PRTG: variants seen among roughly 807,000 people sequenced by gnomAD.
PRTG encodes immunoglobulin superfamily, DCC subclass, member 5.
PRTG carries 67 observed loss-of-function variants against 122.5 expected under a neutral mutation model. The ratio of observed to expected loss-of-function variants is 0.55; its 90% CI spans 0.45 to 0.67. The LOEUF is 0.67. PRTG is among the 30% of genes least tolerant of loss of function. The pLI, the probability that PRTG is intolerant of heterozygous loss-of-function variation, is 0.00. For missense variants in PRTG, 1,435 were observed against 1,415.4 expected (o/e 1.01, Z -0.22); for synonymous variants, 554 against 501.1 (o/e 1.11, Z -1.41).
In PRTG at chr15:55,738,021, T is replaced by TACAC. The variant is rs1465755534; in HGVS notation, c.397+2360_397+2361insGTGT. ...CTCTCTCTATATATATATATATATA[T>TACAC]ATATACACACACACACACACACACA... On this transcript the variant is annotated intron_variant, in intron 2 of 19. Transcript: ENST00000389286. Among the ~76,000 whole-genome samples the TACAC allele has an allele frequency of 2.0e-3, 209 of 102,894 alleles. 2 individuals carry two copies. The highest frequency in any genetic ancestry group is 6.8e-3 in the African/African-American group (189 of 27,774). The allele number at this position is 102,894 out of a possible 152,430, so 67.5% of individuals were successfully genotyped here.
chr15:55,741,756 A>C (rs2031616173), intron 1 of PRTG, among the ~76,000 whole-genome samples: 1 of 152,170 alleles, frequency 6.6e-6, no homozygotes, highest in Non-Finnish European at 1.5e-5. Flanking sequence ...TCACTCTTCA[A>C]GGCTCCCTGC....
intron 2 of PRTG, chr15:55,702,803 AACACACAC>A: frequency 2.2e-6 from 1 of 447,910 alleles, no homozygotes; most frequent in Non-Finnish European, 2.9e-6. Flanking sequence ...CACATGTGCA[AACACACAC>A]ACACACACAA....
chr15:55,724,662 G>T (rs2030958934), intron 2 of PRTG, among the ~76,000 whole-genome samples: 1 of 152,076 alleles, frequency 6.6e-6, no homozygotes, highest in African/African-American at 2.4e-5. Flanking sequence ...AGTAGCTGAG[G>T]CATGAGAATC....
rs1595644389 is a variant in PRTG, at chr15:55,679,932, A to G, written c.973+122T>C. On this transcript the variant is annotated intron_variant, in intron 6 of 19. Transcript: ENST00000389286. ...TATTTGTTTTTTCCTGAAATTCATC[A>G]TTTGATTACAATACTTCATATCAAT... The G allele has an allele frequency of 4.1e-6, 3 of 735,800 alleles. No homozygotes were observed. The East Asian group carries it at 8.1e-5, about 20-fold the overall frequency. The allele number at this position is 735,800 out of a possible 1,614,324, so 45.6% of individuals were successfully genotyped here. A position where few individuals can be genotyped will look rare whatever the true frequency, so the allele number is the denominator to read the frequency against.
At chr15:55,742,539 A>G (rs897816434) in intron 1 of PRTG, 28 of 339,434 alleles carry the variant, frequency 8.2e-5, no homozygotes, top group Admixed American at 3.0e-4. Context: ...GAGAAGGAAG[A>G]GACCAGAGTG....
Position 55,619,950 on chromosome 15 carries a change from C to T in PRTG, c.*62G>A, listed in dbSNP as rs769326088. ...GAAGTCTGCTCACTAACAGATGACA[C>T]AGCAGGGTCTTCACACTTCCTCAAT... is the stretch of plus-strand genomic sequence containing the variant. On this transcript the variant is annotated 3_prime_UTR_variant, in exon 20 of 20. Transcript: ENST00000389286. The T allele has an allele frequency of 3.8e-6, 6 of 1,595,016 alleles. No homozygotes were observed. Among genetic ancestry groups the T allele is most frequent in the Non-Finnish European group, 3.4e-6 (4 of 1,170,560 alleles).
chr15:55,720,884 C>T lies in PRTG; in HGVS notation c.397+19498G>A, dbSNP rs180955716. On this transcript the variant is annotated intron_variant, in intron 2 of 19. Coordinates refer to ENST00000389286, the MANE Select transcript of PRTG (RefSeq NM_173814.6). Reference sequence around the variant, plus strand: ...ATTCAAGGCTGTCCTGGGCTGCATGCGGGTTGGACAAGCTTGCTTTAGGTC... The same window carrying T: ...ATTCAAGGCTGTCCTGGGCTGCATGTGGGTTGGACAAGCTTGCTTTAGGTC... Among the ~76,000 whole-genome samples, 744 of 152,202 alleles carry T rather than the reference C, an allele frequency of 4.9e-3. 5 individuals carry two copies. Among genetic ancestry groups the T allele is most frequent in the Non-Finnish European group, 8.0e-3 (542 of 67,974 alleles).
chr15:55,731,921 T>C (rs190013182), intron 2 of PRTG, among the ~76,000 whole-genome samples: 14 of 152,292 alleles, frequency 9.2e-5, no homozygotes, highest in African/African-American at 2.9e-4. Context: ...GTGAACATCA[T>C]AGAGCAGACT....
intron 11 of PRTG, among the ~76,000 whole-genome samples, chr15:55,647,296 A>G (rs540476093): frequency 2.0e-5 from 3 of 152,282 alleles, no homozygotes; most frequent in African/African-American, 7.2e-5. Context: ...AAAAAGGAAG[A>G]GTCAGAGCCA....
At chr15:55,691,854 G>A (rs910607786) in intron 2 of PRTG, among the ~76,000 whole-genome samples, 1 of 151,694 alleles carries the variant, frequency 6.6e-6, no homozygotes, top group African/African-American at 2.4e-5. Flanking sequence ...GAAATAGGGC[G>A]AGACCCCGTC....
chr15:55,711,769 T>C (rs1156940217), intron 2 of PRTG, among the ~76,000 whole-genome samples: 1 of 152,112 alleles, frequency 6.6e-6, no homozygotes, highest in African/African-American at 2.4e-5. Flanking sequence ...GAACCACCCA[T>C]CTGATCCACA....
chr15:55,728,445 T>C (rs1275901431), intron 2 of PRTG, among the ~76,000 whole-genome samples: 1 of 152,128 alleles, frequency 6.6e-6, no homozygotes, highest in Non-Finnish European at 1.5e-5. Context: ...ATCCCAGGAA[T>C]GTAAAAGTTG....
At chr15:55,659,012 A>T (rs1460774074) in intron 11 of PRTG, among the ~76,000 whole-genome samples, 1 of 152,244 alleles carries the variant, frequency 6.6e-6, no homozygotes, top group Non-Finnish European at 1.5e-5. Context: ...AGTTATTAAC[A>T]TCCTGGCAGG....
At chr15:55,689,593 A>C (rs2141826146) in intron 2 of PRTG, among the ~76,000 whole-genome samples, 1 of 151,450 alleles carries the variant, frequency 6.6e-6, no homozygotes, top group East Asian at 2.0e-4. Context: ...CCTATGTAAC[A>C]AACCTACACG....
At position 55,716,248 on chromosome 15, in the gene PRTG, AAAC is replaced by A. The variant is rs530597519; in HGVS notation, c.397+24131_397+24133del. On this transcript the variant is annotated intron_variant, in intron 2 of 19. Transcript: ENST00000389286. ...TCTGTCTCAAAAACAGAAAACAAACAAACAACAACAACAACAACAAAACAATCA... is the reference window on the plus strand; with the variant it reads ...TCTGTCTCAAAAACAGAAAACAAACAAACAACAACAACAACAAAACAATCA... Among the ~76,000 whole-genome samples the A allele has an allele frequency of 2.6e-4, 39 of 152,204 alleles. No homozygotes were observed. The East Asian group carries it at 3.9e-3, about 15-fold the overall frequency.
chr15:55,672,568 G>C lies in PRTG; in HGVS notation c.1918C>G (p.Gln640Glu). 2 of 1,613,986 alleles carry C rather than the reference G, an allele frequency of 1.2e-6. No individual in the cohort carries two copies. ...NCTTISVRWQQDVEDTAAIQG... is the reference protein window; with the variant it reads ...NCTTISVRWQEDVEDTAAIQG... ...ATAGCAGCTGTGTCCTCTACATCTT[G>C]CTGCCACCTCACAGAAATGGTGGTA... Residue 640 changes from glutamine to glutamate, a missense_variant, in exon 11 of 20, where the codon CAA becomes GAA. Transcript: ENST00000389286.
At chr15:55,738,080 A>ATATATTTTTT (rs2031493079) in intron 2 of PRTG, 1 of 141,780 alleles carries the variant, frequency 7.1e-6, no homozygotes, top group Non-Finnish European at 1.5e-5. Flanking sequence ...AAATATATAT[A>ATATATTTTTT]TATATATATA....
chr15:55,642,412 T>C (rs2059297098), intron 11 of PRTG, among the ~76,000 whole-genome samples: 1 of 149,390 alleles, frequency 6.7e-6, no homozygotes, highest in African/African-American at 2.5e-5. Flanking sequence ...AGGTCGGGAG[T>C]TCGAGATGAG....
intron 2 of PRTG, among the ~76,000 whole-genome samples, chr15:55,708,587 G>A (rs952900233): frequency 5.3e-5 from 8 of 152,094 alleles, no homozygotes; most frequent in East Asian, 1.9e-4. Context: ...TAGCCTGGGC[G>A]ACAGAGCAAG....
Sources: gnomAD v4.1 joint callset for allele counts (sites outside exome capture counted in the v4.1 genomes callset) on GRCh38, gnomAD v4.1.1 for gene constraint, MANE v1.5 for transcripts, NCBI Gene and HGNC (gene_info 2026-07-23, HGNC 2026-07-21) for gene names.